ENPP3: variants seen among roughly 807,000 people sequenced by gnomAD.
ENPP3 encodes ectonucleotide pyrophosphatase/phosphodiesterase 3, also known as ectonucleotide pyrophosphatase/phosphodiesterase family member 3.
Under a neutral mutation model 117.8 loss-of-function variants are expected in ENPP3, and 104 were observed. The ratio of observed to expected loss-of-function variants is 0.88; its 90% CI spans 0.75 to 1.04. The LOEUF (loss-of-function observed/expected upper bound fraction) is 1.04. Ranked by LOEUF, ENPP3 falls within the 50% of genes least tolerant of loss-of-function variation. The pLI, the probability that ENPP3 is intolerant of heterozygous loss-of-function variation, is 0.00. For missense variants in ENPP3, 1,026 were observed against 1,051.9 expected (o/e 0.98, Z 0.34); for synonymous variants, 380 against 349.9 (o/e 1.09, Z -0.96).
At chr6:131,691,699 G>A (rs536384365) in intron 14 of ENPP3, among the ~76,000 whole-genome samples, 40 of 152,166 alleles carry the variant, frequency 2.6e-4, no homozygotes, top group Admixed American at 9.8e-4. Flanking sequence ...TTCACAGGTA[G>A]GTAGTGAGCC....
chr6:131,679,001 GCTTC>G (rs1191014512), intron 11 of ENPP3, among the ~76,000 whole-genome samples: 1 of 40,470 alleles, frequency 2.5e-5, no homozygotes, highest in Non-Finnish European at 4.5e-5. Flanking sequence ...TTCCTTCCTT[GCTTC>G]CTTCCTTCCT....
chr6:131,746,767 T>G lies in ENPP3; in HGVS notation c.2458-19T>G, dbSNP rs374741765. 40 of 1,584,634 alleles carry G rather than the reference T, an allele frequency of 2.5e-5. No individual in the cohort carries two copies. The highest frequency in any genetic ancestry group is 3.3e-5 in the Non-Finnish European group (39 of 1,170,538). ...ATACTGCCTTGTGAAAAAAAAAGTG[T>G]TGTGCTTTTCTTTTTCAGGAAGGTA... is the stretch of plus-strand genomic sequence containing the variant. On this transcript the variant is annotated intron_variant, in intron 24 of 24. Transcript: ENST00000357639.
intron 7 of ENPP3, among the ~76,000 whole-genome samples, chr6:131,672,027 G>A (rs1267301158): frequency 2.0e-5 from 3 of 152,130 alleles, no homozygotes; most frequent in Non-Finnish European, 4.4e-5. Flanking sequence ...CCACACAAAT[G>A]TATGTATGTA....
intron 15 of ENPP3, chr6:131,709,647 G>C: frequency 6.2e-7 from 1 of 1,611,896 alleles, no homozygotes; most frequent in East Asian, 2.2e-5. Flanking sequence ...TTTTCTCGTA[G>C]GAAATAACCT....
chr6:131,733,798 T>C (rs1408962118), intron 21 of ENPP3, 75 bp downstream of exon 21: 8 of 1,476,840 alleles, frequency 5.4e-6, no homozygotes, highest in South Asian at 1.2e-5. Context: ...GCCTTAAACA[T>C]ATACTCCCCA....
chr6:131,743,896 C>T lies in ENPP3; in HGVS notation c.2458-2890C>T, dbSNP rs768197303. Among the ~76,000 whole-genome samples the T allele has an allele frequency of 1.6e-3, 244 of 151,980 alleles. 1 individual carries two copies. Among genetic ancestry groups the T allele is most frequent in the Non-Finnish European group, 2.3e-3 (156 of 67,998 alleles). On this transcript the variant is annotated intron_variant, in intron 24 of 24. Coordinates refer to ENST00000357639, the MANE Select transcript of ENPP3 (RefSeq NM_005021.5). The stretch of plus-strand genomic sequence containing the variant: ...GAAATTGAATCTCCTATATGCAAAT[C>T]ATCCAGAAAGTGTAGTACATTCACA...
chr6:131,637,550 T>C (rs182626943), intron 1 of ENPP3, 88 bp downstream of exon 1: 1 of 701,228 alleles, frequency 1.4e-6, no homozygotes. Flanking sequence ...TTTGTGTTGC[T>C]ATTAAAATGT....
intron 15 of ENPP3, among the ~76,000 whole-genome samples, chr6:131,703,593 T>C (rs548842171): frequency 7.3e-6 from 1 of 136,252 alleles, no homozygotes; most frequent in South Asian, 2.3e-4. Flanking sequence ...TTAAATTATA[T>C]TTGAGCAGAA....
At position 131,667,703 on chromosome 6, in the gene ENPP3, G is replaced by A. The variant is rs552432820; in HGVS notation, c.563-3545G>A. Among the ~76,000 whole-genome samples, 14 of 152,298 alleles carry A rather than the reference G, an allele frequency of 9.2e-5. No homozygotes were observed. The East Asian group carries it at 2.3e-3, about 25-fold the overall frequency. On this transcript the variant is annotated intron_variant, in intron 6 of 24. Transcript: ENST00000357639. Reference sequence around the variant, plus strand: ...CAGTTCTGCTTTTCCTACTGGTTTCGATGTAACTGGTGTTATACTTGCCTG... The same window carrying A: ...CAGTTCTGCTTTTCCTACTGGTTTCAATGTAACTGGTGTTATACTTGCCTG...
At chr6:131,675,421 C>G (rs1318999316) in intron 9 of ENPP3, 5 of 434,626 alleles carry the variant, frequency 1.2e-5, no homozygotes, top group African/African-American at 2.0e-5. Context: ...CATTACCACT[C>G]TGGTTCGAGC....
intron 2 of ENPP3, among the ~76,000 whole-genome samples, chr6:131,648,081 C>T (rs908359656): frequency 5.9e-5 from 9 of 151,980 alleles, no homozygotes; most frequent in South Asian, 2.1e-4. Context: ...ATTTATACTA[C>T]GAACAACTGT....
At chr6:131,649,425 C>A (rs534640189) in intron 2 of ENPP3, among the ~76,000 whole-genome samples, 95 of 152,288 alleles carry the variant, frequency 6.2e-4, no homozygotes, top group African/African-American at 2.2e-3. Flanking sequence ...TCCAAACATG[C>A]CTTCCTTAGC....
In ENPP3 at chr6:131,642,136, C is replaced by T. The variant is rs1778058451; in HGVS notation, c.154+606C>T. ...ATGGACTTTGGTAAGTGGATCACAG[C>T]CTTTTCATTCTGCTCCCACTGTCAT... On this transcript the variant is annotated intron_variant, in intron 2 of 24. Transcript: ENST00000357639. Among the ~76,000 whole-genome samples, 3 of 152,122 alleles carry T rather than the reference C, an allele frequency of 2.0e-5. No individual in the cohort carries two copies. The South Asian group carries it at 6.2e-4, about 32-fold the overall frequency.
At chr6:131,720,407 CA>C in intron 17 of ENPP3, 28 bp downstream of exon 17, 1 of 1,144,690 alleles carries the variant, frequency 8.7e-7, no homozygotes, top group Non-Finnish European at 1.3e-6. Flanking sequence ...AGTTCGCCAA[CA>C]AAATATGGAT....
chr6:131,721,592 CATACAA>C (rs970082307), intron 17 of ENPP3, among the ~76,000 whole-genome samples: 3 of 151,732 alleles, frequency 2.0e-5, no homozygotes, highest in Non-Finnish European at 2.9e-5. Flanking sequence ...TTCTATGAAA[CATACAA>C]ATACATTTTG....
intron 19 of ENPP3, 75 bp from the exon 20 acceptor site, chr6:131,725,971 A>G (rs1780145527): frequency 2.2e-6 from 2 of 912,078 alleles, no homozygotes; most frequent in African/African-American, 1.7e-5. Flanking sequence ...TAGTTATTAT[A>G]TGGGTAGTTA....
intron 7 of ENPP3, 121 bp from the exon 8 acceptor site, chr6:131,674,038 GTTT>G (rs1250310231): frequency 3.3e-6 from 2 of 599,090 alleles, no homozygotes; most frequent in Non-Finnish European, 5.8e-6. Flanking sequence ...AGGTCCAGGT[GTTT>G]TACATTGAAA....
chr6:131,652,792 C>T (rs3765562), intron 4 of ENPP3, 39 bp from the exon 5 acceptor site: 13 of 1,594,322 alleles, frequency 8.2e-6, no homozygotes, highest in Non-Finnish European at 1.1e-5. Flanking sequence ...TCTGTCTGTG[C>T]TGCAGCAAGT....
chr6:131,740,369 G>A lies in ENPP3; in HGVS notation c.2446G>A (p.Glu816Lys). 1 of 1,608,954 alleles carries A rather than the reference G, an allele frequency of 6.2e-7. No individual in the cohort carries two copies. The highest frequency in any genetic ancestry group is 1.1e-5 in the South Asian group (1 of 90,046). The stretch of plus-strand genomic sequence containing the variant: ...CATCCCTCACCGACCTACCAACGTG[G>A]AGAGCTGTCCTGTGAGTATGCTTTG... ...FIIPHRPTNV[E>K]SCPEGKPEAL... Residue 816 changes from glutamate (E) to lysine (K), a missense_variant, in exon 24 of 25, where the codon GAG becomes AAG. Glu to Lys is a moderately conservative substitution (Grantham distance 56). Coordinates refer to ENST00000357639, the MANE Select transcript of ENPP3 (RefSeq NM_005021.5).
Sources: allele counts gnomAD v4.1 joint callset (sites outside exome capture counted in the v4.1 genomes callset), GRCh38; gene constraint gnomAD v4.1.1; transcripts MANE v1.5; gene names NCBI Gene and HGNC (gene_info 2026-07-23, HGNC 2026-07-21).